Variants in SLC4A9 observed in about 807,000 individuals in gnomAD.
The protein encoded by SLC4A9 is solute carrier family 4 member 9.
Under a neutral mutation model 103.2 loss-of-function variants are expected in SLC4A9, and 102 were observed. The observed-to-expected ratio is 0.99, with a 90% confidence interval of 0.84 to 1.17. The LOEUF (loss-of-function observed/expected upper bound fraction) is 1.17, where lower values mean the gene tolerates loss of function less well. Among genes scored for constraint, SLC4A9 ranks in the 50% most tolerant of loss-of-function variants. The probability of loss-of-function intolerance (pLI) is 0.00; values close to 1 mark genes in which losing one functional copy is unlikely to be tolerated. For synonymous variants in SLC4A9, 453 were observed against 483.6 expected, an observed-to-expected ratio of 0.94 and a Z score of 0.83; for missense variants, 1,091 against 1,193.7, an observed-to-expected ratio of 0.91 and a Z score of 1.27.
Position 140,364,476 on chromosome 5 carries a change from G to T in SLC4A9, c.1502G>T (p.Arg501Leu). The T allele has an allele frequency of 1.9e-6, 3 of 1,612,560 alleles. No individual in the cohort carries two copies. The highest frequency in any genetic ancestry group is 2.7e-5 in the African/African-American group (2 of 75,006). ...AGTGTGCTGGTGCGCTACTTCACCCGCTTCACTGAGGAAGGTTTCTGTGCC... is the reference window on the plus strand; with the variant it reads ...AGTGTGCTGGTGCGCTACTTCACCCTCTTCACTGAGGAAGGTTTCTGTGCC... The part of the protein sequence containing the change: ...EASVLVRYFT[R>L]FTEEGFCALI... Residue 501 changes from arginine (R) to leucine (L), a missense_variant, in exon 11 of 22, where the codon CGC becomes CTC. Transcript: ENST00000506757.
rs755408019 is a variant in SLC4A9 at position 140,372,734 on chromosome 5, G to A, written c.2827-11G>A. 1.1e-5 allele frequency: 17 copies of A among 1,565,954 alleles called. No homozygotes were observed. The highest frequency in any genetic ancestry group is 1.5e-5 in the Non-Finnish European group (17 of 1,156,300). On this transcript the variant is annotated splice_polypyrimidine_tract_variant and intron_variant, in intron 20 of 21. Coordinates refer to ENST00000506757, the MANE Select transcript of SLC4A9 (RefSeq NM_031467.3). ...CTATTCTCAATCCATCTTGGGATCTGTCTTCCACAGTCAGAGCTGATGTAT... is the reference window on the plus strand; with the variant it reads ...CTATTCTCAATCCATCTTGGGATCTATCTTCCACAGTCAGAGCTGATGTAT...
intron 19 of SLC4A9, 92 bp from the exon 20 acceptor site, chr5:140,372,150 C>T (rs543897502): frequency 2.6e-6 from 3 of 1,144,876 alleles, no homozygotes; most frequent in Admixed American, 6.9e-5. Flanking sequence ...TATACAATGC[C>T]TAGCACATAG....
rs1158529038 is a variant in SLC4A9, at chr5:140,362,953, C to A, written c.849C>A (p.Asp283Glu). The part of the protein sequence containing the change: ...WSVRRASNLH[D>E]LLAALDAFLE... ...TTCGTCGGGCCAGCAACCTTCATGACCTTCTGGCAGCCCTGGATGCATTCC... is the reference window on the plus strand; with the variant it reads ...TTCGTCGGGCCAGCAACCTTCATGAACTTCTGGCAGCCCTGGATGCATTCC... Residue 283 changes from aspartate (D) to glutamate (E), a missense_variant, in exon 7 of 22, where the codon GAC (aspartate) becomes GAA (glutamate). Physicochemically the swap from Asp to Glu is conservative, Grantham distance 45. Transcript: ENST00000506757. 1 of 1,613,880 alleles carries A rather than the reference C, an allele frequency of 6.2e-7. No individual in the cohort carries two copies. The highest frequency in any genetic ancestry group is 1.7e-5 in the Admixed American group (1 of 59,970).
In SLC4A9 at chr5:140,360,981, G is replaced by C; in HGVS notation, c.391+9G>C. 1 of 1,560,580 alleles carries C rather than the reference G, an allele frequency of 6.4e-7. No homozygotes were observed. Among genetic ancestry groups the C allele is most frequent in the South Asian group, 1.2e-5 (1 of 85,678 alleles). ...CCTCCTGGAGCTCGTGGGTAGGCTG[G>C]GATCCTTTGCAGGAAGGGCCTGGGT... On this transcript the variant is annotated intron_variant, in intron 2 of 21. Coordinates refer to ENST00000506757, the MANE Select transcript of SLC4A9 (RefSeq NM_031467.3).
In SLC4A9 at chr5:140,372,817, A is replaced by G; in HGVS notation, c.*19A>G. 1 of 1,549,634 alleles carries G rather than the reference A, an allele frequency of 6.5e-7. No homozygotes were observed. Among genetic ancestry groups the G allele is most frequent in the South Asian group, 1.2e-5 (1 of 83,188 alleles). On this transcript the variant is annotated 3_prime_UTR_variant, in exon 21 of 22. Transcript: ENST00000506757. Reference sequence around the variant, plus strand: ...GAATTAGCTGGAGTAGGAGTCTGGGAGTGGAGACCCCAGGAAACAGCATGA... The same window carrying G: ...GAATTAGCTGGAGTAGGAGTCTGGGGGTGGAGACCCCAGGAAACAGCATGA...
intron 19 of SLC4A9, among the ~76,000 whole-genome samples, chr5:140,372,028 G>A (rs1020750504): frequency 6.6e-6 from 1 of 152,236 alleles, no homozygotes; most frequent in South Asian, 2.1e-4. Flanking sequence ...TCCCAGATGT[G>A]TGACCTCTGG....
In SLC4A9 at chr5:140,360,414, CTGAA is replaced by C; in HGVS notation, c.182_185del (p.Asn61SerfsTer72). The C allele has an allele frequency of 3.1e-6, 5 of 1,597,452 alleles. No homozygotes were observed. The highest frequency in any genetic ancestry group is 4.3e-6 in the Non-Finnish European group (5 of 1,171,788). On this transcript the variant is annotated frameshift_variant, in exon 1 of 22. Coordinates refer to ENST00000506757, the MANE Select transcript of SLC4A9 (RefSeq NM_031467.3). LOFTEE classifies it high-confidence loss of function. The stretch of plus-strand genomic sequence containing the variant: ...CAAAGACCCTCTGCTCTTCATTCAG[CTGAA>C]TGAGCTGCTGGGCTGGCCCCAGGCG...
Position 140,366,011 on chromosome 5 carries a change from T to C in SLC4A9, c.1888T>C (p.Phe630Leu). The stretch of plus-strand genomic sequence containing the variant: ...CAAGTGTGTAAAGACCAGCCGCTTC[T>C]TCCCCTCTGTGGTGAGTTTCACCTT... ...ALKCVKTSRF[F>L]PSVVRKGLSD... The change falls in exon 13 of 22, where the codon TTC (phenylalanine) becomes CTC (leucine). Residue 630 changes from phenylalanine (F) to leucine (L), a missense_variant. By Grantham distance (22) the Phe-to-Leu change is conservative. Transcript: ENST00000506757. 1 of 1,614,008 alleles carries C rather than the reference T, an allele frequency of 6.2e-7. No individual in the cohort carries two copies.
Position 140,368,754 on chromosome 5 carries a change from G to T in SLC4A9, c.2427+95G>T, listed in dbSNP as rs1018277307. Reference sequence around the variant, plus strand: ...TAGTTGAATACTTACAGTGTGCCAGGTGCTCTGTTAAGTTTTCTCCATACA... The same window carrying T: ...TAGTTGAATACTTACAGTGTGCCAGTTGCTCTGTTAAGTTTTCTCCATACA... On this transcript the variant is annotated intron_variant, in intron 17 of 21. Coordinates refer to ENST00000506757, the MANE Select transcript of SLC4A9 (RefSeq NM_031467.3). The T allele has an allele frequency of 1.1e-4, 117 of 1,071,742 alleles. 1 individual carries two copies. The highest frequency in any genetic ancestry group is 1.5e-4 in the Non-Finnish European group (108 of 735,082). The allele number at this position is 1,071,742 out of a possible 1,614,324, so 66.4% of individuals were successfully genotyped here. A position where few individuals can be genotyped will look rare whatever the true frequency, so the allele number is the denominator to read the frequency against.
chr5:140,363,650 AC>A lies in SLC4A9; in HGVS notation c.1080-75del. 3 of 1,585,632 alleles carry A rather than the reference AC, an allele frequency of 1.9e-6. No individual in the cohort carries two copies. Among genetic ancestry groups the A allele is most frequent in the African/African-American group, 1.3e-5 (1 of 74,524 alleles). On this transcript the variant is annotated intron_variant, in intron 8 of 21. Transcript: ENST00000506757. The surrounding 1 kb of genome is among the most constrained non-coding windows in gnomAD (Gnocchi z 4.5). ...TGTGTGCTCACTGTGGGAGGGGCTC[AC>A]CCGGTCACAGGGAAAGTAGCGGGGA... is the stretch of plus-strand genomic sequence containing the variant.
intron 19 of SLC4A9, 132 bp downstream of exon 19, chr5:140,371,756 C>T: frequency 4.6e-6 from 5 of 1,077,560 alleles, no homozygotes; most frequent in South Asian, 1.6e-5. Flanking sequence ...GTTGGGAATC[C>T]TAAGACAAAG....
At position 140,364,353 on chromosome 5, in the gene SLC4A9, A is replaced by G; in HGVS notation, c.1389-10A>G. The G allele has an allele frequency of 6.2e-7, 1 of 1,612,006 alleles. No individual in the cohort carries two copies. Among genetic ancestry groups the G allele is most frequent in the South Asian group, 1.1e-5 (1 of 91,006 alleles). ...TGCTAAGCCAGCCTTCCTGTCTCTCATCCCCACAGAGATTACAGCCTGGAC... is the reference window on the plus strand; with the variant it reads ...TGCTAAGCCAGCCTTCCTGTCTCTCGTCCCCACAGAGATTACAGCCTGGAC... On this transcript the variant is annotated splice_polypyrimidine_tract_variant and intron_variant, in intron 10 of 21. Coordinates refer to ENST00000506757, the MANE Select transcript of SLC4A9 (RefSeq NM_031467.3).
Position 140,362,910 on chromosome 5 carries a change from A to T in SLC4A9, c.808-2A>T. 4.3e-6 allele frequency: 7 copies of T among 1,613,938 alleles called. No homozygotes were observed. Among genetic ancestry groups the T allele is most frequent in the Non-Finnish European group, 5.1e-6 (6 of 1,179,874 alleles). On this transcript the variant is annotated splice_acceptor_variant, in intron 6 of 21. Transcript: ENST00000506757. LOFTEE classifies it high-confidence loss of function. ...CCACCCATTCTGTGCCCCCATTCCCAGCAATTCCAGTGGTCAGTTCGTCGG... is the reference window on the plus strand; with the variant it reads ...CCACCCATTCTGTGCCCCCATTCCCTGCAATTCCAGTGGTCAGTTCGTCGG...
At position 140,363,325 on chromosome 5, in the gene SLC4A9, C is replaced by T; in HGVS notation, c.963-114C>T. On this transcript the variant is annotated intron_variant, in intron 7 of 21. Transcript: ENST00000506757. This position sits in a 1 kb window ranked among gnomAD's most constrained non-coding sequence, Gnocchi z 4.5. ...TAGAGGCCCAGGTGTCGCCATGGTTCCCTCGCCGGCAGAGACAAGAGCAGC... is the reference window on the plus strand; with the variant it reads ...TAGAGGCCCAGGTGTCGCCATGGTTTCCTCGCCGGCAGAGACAAGAGCAGC... The T allele has an allele frequency of 9.5e-7, 1 of 1,051,536 alleles. No individual in the cohort carries two copies. Among genetic ancestry groups the T allele is most frequent in the South Asian group, 1.6e-5 (1 of 63,556 alleles). The allele number at this position is 1,051,536 out of a possible 1,614,324, so 65.1% of individuals were successfully genotyped here. A position where few individuals can be genotyped will look rare whatever the true frequency, so the allele number is the denominator to read the frequency against.
rs866511308 is a variant in SLC4A9, at chr5:140,362,184, C to T, written c.719+10C>T. 23 of 1,518,974 alleles carry T rather than the reference C, an allele frequency of 1.5e-5. No homozygotes were observed. Among genetic ancestry groups the T allele is most frequent in the South Asian group, 8.0e-5 (6 of 75,388 alleles). The allele number at this position is 1,518,974 out of a possible 1,614,324, so 94.1% of individuals were successfully genotyped here. On this transcript the variant is annotated intron_variant, in intron 5 of 21. Coordinates refer to ENST00000506757, the MANE Select transcript of SLC4A9 (RefSeq NM_031467.3). ...TGTCCCTCCCAAGCAGGTGAGGCTACTGAGTGAGTGGGAGTCAGGGATCCC... is the reference window on the plus strand; with the variant it reads ...TGTCCCTCCCAAGCAGGTGAGGCTATTGAGTGAGTGGGAGTCAGGGATCCC...
rs754032770 is a variant in SLC4A9 at position 140,364,554 on chromosome 5, C to T, written c.1580C>T (p.Thr527Ile). 1.2e-6 allele frequency: 2 copies of T among 1,605,964 alleles called. No homozygotes were observed. Among genetic ancestry groups the T allele is most frequent in the Admixed American group, 1.7e-5 (1 of 58,400 alleles). ...YDAVGKMLNLTHTYPIQKPGS... is the reference protein window; with the variant it reads ...YDAVGKMLNLIHTYPIQKPGS... ...GCTGTGGGCAAAATGCTGAACTTGA[C>T]CCATACCTATCCTATCCAGAAGCCT... Residue 527 changes from threonine to isoleucine, a missense_variant, in exon 11 of 22, where the codon ACC becomes ATC. Thr to Ile is a moderately conservative substitution (Grantham distance 89). Coordinates refer to ENST00000506757, the MANE Select transcript of SLC4A9 (RefSeq NM_031467.3).
Position 140,366,215 on chromosome 5 carries a change from C to G in SLC4A9, c.1964C>G (p.Ala655Gly), listed in dbSNP as rs34298619. Residue 655 changes from alanine to glycine, a missense_variant, in exon 14 of 22, where the codon GCT becomes GGT. Transcript: ENST00000506757. ...ATCCTGCTCGGCTGTGGCCTTGATG[C>G]TTTCCTGGGCCTAGCCACACCAAAG... Reference protein sequence around the residue: ...LAILLGCGLDAFLGLATPKLM... With the variant: ...LAILLGCGLDGFLGLATPKLM... 0.013 allele frequency: 20,364 copies of G among 1,607,906 alleles called. 189 individuals carry two copies. The highest frequency in any genetic ancestry group is 0.021 in the Middle Eastern group (127 of 6,056).
rs1208708501 is a variant in SLC4A9 at position 140,367,873 on chromosome 5, G to A, written c.2329G>A (p.Glu777Lys). ...AGAGAGCAGAGCCTGTGCCCCCGGG[G>A]AGCGCCCCAACTTCCTGGGTATCAG... ...RRESRACAPG[E>K]RPNFLGIREQ... is the part of the protein sequence containing the mutation. Residue 777 changes from glutamate (E) to lysine (K), a missense_variant, in exon 16 of 22, where the codon GAG becomes AAG. Physicochemically the swap from Glu to Lys is moderately conservative, Grantham distance 56 (BLOSUM62 1). Transcript: ENST00000506757. 4 of 1,613,878 alleles carry A rather than the reference G, an allele frequency of 2.5e-6. No individual in the cohort carries two copies.
In SLC4A9 at chr5:140,363,843, A is replaced by G; in HGVS notation, c.1195A>G (p.Thr399Ala). 1 of 1,613,934 alleles carries G rather than the reference A, an allele frequency of 6.2e-7. No homozygotes were observed. The highest frequency in any genetic ancestry group is 8.5e-7 in the Non-Finnish European group (1 of 1,179,866). Residue 399 changes from threonine (T) to alanine (A), a missense_variant, in exon 9 of 22, where the codon ACT becomes GCT. Thr to Ala is a moderately conservative substitution (Grantham distance 58). Coordinates refer to ENST00000506757, the MANE Select transcript of SLC4A9 (RefSeq NM_031467.3). The surrounding 1 kb of genome is among the most constrained non-coding windows in gnomAD (Gnocchi z 4.5). ...FSAVLYIYLA[T>A]VTNAITFGGL... ...GGCCGTACTCTACATTTACCTGGCC[A>G]CTGTCACTAATGCCATCACTTTTGG...
Sources: gnomAD v4.1 joint callset for allele counts (sites outside exome capture counted in the v4.1 genomes callset) on GRCh38, gnomAD v4.1.1 for gene constraint, Gnocchi (gnomAD v3.1) non-coding constraint, MANE v1.5 for transcripts, NCBI Gene and HGNC (gene_info 2026-07-23, HGNC 2026-07-21) for gene names.